Variants in STK32B observed in about 807,000 individuals in gnomAD.
STK32B encodes the protein serine/threonine kinase 32B.
A neutral mutation model predicts 52.6 loss-of-function variants in STK32B; 43 were observed. That is an observed-to-expected ratio of 0.82 (90% confidence interval 0.64 to 1.05). The LOEUF (loss-of-function observed/expected upper bound fraction) is 1.05, where lower values mean the gene tolerates loss of function less well. Ranked by LOEUF, STK32B falls within the 50% of genes least tolerant of loss-of-function variation. STK32B has a pLI of 0.00. For synonymous variants in STK32B, 238 were observed against 204.3 expected (o/e 1.17, Z -1.41); for missense variants, 621 against 534.6 (o/e 1.16, Z -1.59).
At chr4:5,173,933 G>T (rs1175119591) in intron 3 of STK32B, among the ~76,000 whole-genome samples, 1 of 152,166 alleles carries the variant, frequency 6.6e-6, no homozygotes. Context: ...TATGGTGTGG[G>T]AGTCTAAGTC....
At chr4:5,413,440 T>C (rs954073497) in intron 5 of STK32B, among the ~76,000 whole-genome samples, 13 of 152,212 alleles carry the variant, frequency 8.5e-5, no homozygotes, top group Admixed American at 5.2e-4. Context: ...ACAGCCTACA[T>C]CTTTATGCTG....
the STK32B span, among the ~76,000 whole-genome samples, chr4:5,021,504 C>G: frequency 6.6e-6 from 1 of 152,100 alleles, no homozygotes; most frequent in African/African-American, 2.4e-5. Context: ...GCTGGGGACT[C>G]TAGGTCTGCT....
intron 3 of STK32B, among the ~76,000 whole-genome samples, chr4:5,233,691 CAG>C (rs754510661): frequency 4.6e-5 from 7 of 150,828 alleles, no homozygotes; most frequent in African/African-American, 4.9e-5. Context: ...AGCCAGAGGC[CAG>C]AGAGGTGGAC....
At chr4:5,431,291 C>G (rs544002954) in intron 6 of STK32B, among the ~76,000 whole-genome samples, 1 of 152,142 alleles carries the variant, frequency 6.6e-6, no homozygotes, top group Non-Finnish European at 1.5e-5. Context: ...TTTTTTATAG[C>G]AAGTTCAATG....
intron 3 of STK32B, among the ~76,000 whole-genome samples, chr4:5,215,844 A>G (rs1723151309): frequency 6.6e-6 from 1 of 152,124 alleles, no homozygotes; most frequent in Non-Finnish European, 1.5e-5. Context: ...GTTCAAGTCA[A>G]TATCCATTGA....
chr4:5,466,960 G>T, intron 10 of STK32B, 126 bp downstream of exon 10: 1 of 1,275,646 alleles, frequency 7.8e-7, no homozygotes, highest in Non-Finnish European at 1.1e-6. Flanking sequence ...TTATTTTGCA[G>T]TAAATAAAAT....
intron 3 of STK32B, among the ~76,000 whole-genome samples, chr4:5,270,435 T>C (rs913129145): frequency 7.2e-5 from 11 of 152,144 alleles, no homozygotes; most frequent in African/African-American, 2.7e-4. Flanking sequence ...CCCACCCAGA[T>C]TGAGGGTGGG....
At chr4:5,388,366 G>A (rs1373181507) in intron 4 of STK32B, among the ~76,000 whole-genome samples, 1 of 152,126 alleles carries the variant, frequency 6.6e-6, no homozygotes, top group Non-Finnish European at 1.5e-5. Flanking sequence ...CCTAGGAACT[G>A]AGTAAGTCCT....
chr4:5,036,048 C>T, the STK32B span, among the ~76,000 whole-genome samples: 1 of 152,074 alleles, frequency 6.6e-6, no homozygotes, highest in African/African-American at 2.4e-5. Flanking sequence ...TCCCAAAGTG[C>T]TGGGATTACA....
Position 5,051,792 on chromosome 4 carries a change from C to T in STK32B, c.-72C>T, listed in dbSNP as rs907820971. 10 of 1,548,286 alleles carry T rather than the reference C, an allele frequency of 6.5e-6. No homozygotes were observed. In the African/African-American group the frequency reaches 1.4e-4, roughly 21 times the overall value. Reference sequence around the variant, plus strand: ...GGCGCGCCCCCGGCATCCCGCATCTCTGCGCGCGTCCCACATCCCGCATCC... The same window carrying T: ...GGCGCGCCCCCGGCATCCCGCATCTTTGCGCGCGTCCCACATCCCGCATCC... On this transcript the variant is annotated 5_prime_UTR_variant, in exon 1 of 12. Transcript: ENST00000282908.
intron 1 of STK32B, among the ~76,000 whole-genome samples, chr4:5,133,910 T>A (rs1354918193): frequency 6.6e-6 from 1 of 152,212 alleles, no homozygotes; most frequent in African/African-American, 2.4e-5. Flanking sequence ...GCTTGGAAGT[T>A]AACTTACGTC....
Position 5,499,322 on chromosome 4 carries a change from A to G in STK32B, c.*239A>G, listed in dbSNP as rs1720555560. 4.6e-6 allele frequency: 2 copies of G among 433,912 alleles called. No homozygotes were observed. Among genetic ancestry groups the G allele is most frequent in the East Asian group, 7.1e-5 (2 of 28,092 alleles). 26.9% of individuals were successfully genotyped at this position (433,912 alleles called of 1,614,324 possible). On this transcript the variant is annotated 3_prime_UTR_variant, in exon 12 of 12. Coordinates refer to ENST00000282908, the MANE Select transcript of STK32B (RefSeq NM_018401.3). ...GTTTTCTGCATCTGCCAAAGGGGTT[A>G]AACACTTCTGCCCCACTTCAAATTA... is the stretch of plus-strand genomic sequence containing the variant.
In STK32B at chr4:5,467,923, G is replaced by T; in HGVS notation, c.1042-83G>T. The T allele has an allele frequency of 6.6e-7, 1 of 1,504,460 alleles. No homozygotes were observed. The allele number at this position is 1,504,460 out of a possible 1,614,324, so 93.2% of individuals were successfully genotyped here. On this transcript the variant is annotated intron_variant, in intron 10 of 11. Transcript: ENST00000282908. The surrounding 1 kb of genome is among the most constrained non-coding windows in gnomAD (Gnocchi z 5.8). Reference sequence around the variant, plus strand: ...GCATCTGAGGTTTCCATCTAGGTCAGTCTGCCGTCCTGTGATGCTCCATTA... The same window carrying T: ...GCATCTGAGGTTTCCATCTAGGTCATTCTGCCGTCCTGTGATGCTCCATTA...
At chr4:5,156,799 T>C (rs12643157) in intron 2 of STK32B, among the ~76,000 whole-genome samples, 5,277 of 152,248 alleles carry the variant, frequency 0.035, 154 homozygotes, top group East Asian at 0.086. Context: ...AATAGCTCTT[T>C]ATGCCCCTCA....
At chr4:5,020,649 A>G in the STK32B span, among the ~76,000 whole-genome samples, 1 of 152,124 alleles carries the variant, frequency 6.6e-6, no homozygotes, top group Non-Finnish European at 1.5e-5. Flanking sequence ...ACAGGGCAGG[A>G]TGGGTGAGGA....
At chr4:5,457,999 G>A (rs1716713310) in intron 8 of STK32B, among the ~76,000 whole-genome samples, 1 of 152,106 alleles carries the variant, frequency 6.6e-6, no homozygotes, top group Non-Finnish European at 1.5e-5. Flanking sequence ...CAATCTCCTT[G>A]ACTTTCTGCA....
Position 5,437,333 on chromosome 4 carries a change from T to C in STK32B, c.563-9340T>C, listed in dbSNP as rs372318330. Among the ~76,000 whole-genome samples, 12 of 152,368 alleles carry C rather than the reference T, an allele frequency of 7.9e-5. 1 individual carries two copies. The East Asian group carries it at 1.3e-3, about 17-fold the overall frequency. On this transcript the variant is annotated intron_variant, in intron 6 of 11. Transcript: ENST00000282908. ...CAATATCAAGGGGCCAGCAGGGCCATGTGCCCTCAGAAGCCACGGGAGGAT... is the reference window on the plus strand; with the variant it reads ...CAATATCAAGGGGCCAGCAGGGCCACGTGCCCTCAGAAGCCACGGGAGGAT...
At chr4:5,035,930 C>T in the STK32B span, among the ~76,000 whole-genome samples, 6 of 151,716 alleles carry the variant, frequency 4.0e-5, no homozygotes, top group East Asian at 1.9e-4. Context: ...TACAGGCGCC[C>T]GCCACCACAC....
chr4:5,043,738 G>A, the STK32B span, among the ~76,000 whole-genome samples: 1 of 152,326 alleles, frequency 6.6e-6, no homozygotes, highest in South Asian at 2.1e-4. Flanking sequence ...AGAAGCAGTC[G>A]GTGCACACGG....
Sources: allele counts gnomAD v4.1 joint callset (sites outside exome capture counted in the v4.1 genomes callset), GRCh38; gene constraint gnomAD v4.1.1; non-coding constraint Gnocchi (gnomAD v3.1); transcripts MANE v1.5; gene names NCBI Gene and HGNC (gene_info 2026-07-23, HGNC 2026-07-21).